COL21A1: variants seen among roughly 807,000 people sequenced by gnomAD.
The protein encoded by COL21A1 is collagen alpha-1(XXI) chain.
In COL21A1, 149 loss-of-function variants were observed where a neutral mutation model predicts 137.9. The observed-to-expected ratio is 1.08, with a 90% confidence interval of 0.95 to 1.24. COL21A1 has a LOEUF of 1.24. Ranked by LOEUF, COL21A1 falls within the 50% of genes most tolerant of loss-of-function variation. COL21A1 has a pLI of 0.00. For missense variants in COL21A1, 1,167 were observed against 1,158.4 expected, an observed-to-expected ratio of 1.01 and a Z score of -0.11; for synonymous variants, 456 against 391.5, an observed-to-expected ratio of 1.16 and a Z score of -1.95.
intron 1 of COL21A1, among the ~76,000 whole-genome samples, chr6:56,271,514 G>T (rs1426525620): frequency 6.6e-6 from 1 of 152,218 alleles, no homozygotes; most frequent in Non-Finnish European, 1.5e-5. Flanking sequence ...TGGAAAATTT[G>T]CAGCCCGACT....
chr6:56,206,697 A>AATAAATAAATAAAT (rs1344636182), intron 1 of COL21A1, among the ~76,000 whole-genome samples: 1 of 32,328 alleles, frequency 3.1e-5, no homozygotes. Flanking sequence ...TAAATAAATA[A>AATAAATAAATAAAT]ATATATATAT....
intron 10 of COL21A1, among the ~76,000 whole-genome samples, chr6:56,149,535 C>T (rs1343671987): frequency 1.3e-5 from 2 of 152,190 alleles, no homozygotes; most frequent in Non-Finnish European, 2.9e-5. Context: ...AAATGTCAGA[C>T]TTCTATATCC....
intron 17 of COL21A1, among the ~76,000 whole-genome samples, chr6:56,085,316 A>G (rs1768136631): frequency 6.6e-6 from 1 of 152,086 alleles, no homozygotes; most frequent in Non-Finnish European, 1.5e-5. Flanking sequence ...CATATAAGCA[A>G]GTTTAGTCCT....
chr6:56,165,518 T>C (rs1776505343), intron 7 of COL21A1, among the ~76,000 whole-genome samples: 1 of 152,230 alleles, frequency 6.6e-6, no homozygotes, highest in Admixed American at 6.5e-5. Context: ...ATAAATGAAG[T>C]ATGCACAATG....
At chr6:56,260,880 G>GTGTGTGTGTGTGTGTGTGTGTGTA (rs1763255917) in intron 1 of COL21A1, among the ~76,000 whole-genome samples, 1 of 150,570 alleles carries the variant, frequency 6.6e-6, no homozygotes, top group African/African-American at 2.4e-5. Context: ...GTGTGTGTAT[G>GTGTGTGTGTGTGTGTGTGTGTGTA]TGTGTGTGTG....
intron 6 of COL21A1, among the ~76,000 whole-genome samples, chr6:56,167,484 C>A (rs866926275): frequency 6.6e-6 from 1 of 152,146 alleles, no homozygotes; most frequent in African/African-American, 2.4e-5. Flanking sequence ...TTCATAGAGA[C>A]CACATGTGTA....
intron 3 of COL21A1, among the ~76,000 whole-genome samples, chr6:56,172,056 T>C (rs1777104610): frequency 7.8e-6 from 1 of 128,014 alleles, no homozygotes; most frequent in African/African-American, 3.3e-5. Flanking sequence ...ATATATGCAT[T>C]TTGCGAGTTC....
chr6:56,060,790 T>C lies in COL21A1; in HGVS notation c.2358A>G (p.Arg786=). 10 of 1,610,112 alleles carry C rather than the reference T, an allele frequency of 6.2e-6. No individual in the cohort carries two copies. The highest frequency in any genetic ancestry group is 8.5e-6 in the Non-Finnish European group (10 of 1,178,850). The change falls in exon 27 of 30, where the codon AGA becomes AGG. Residue 786 remains arginine (R), a synonymous_variant. Coordinates refer to ENST00000244728, the MANE Select transcript of COL21A1 (RefSeq NM_030820.4). ...GTCGAATAAATTGTTCTGAAAACTC[T>C]CTTCCCTGCATCAAAGTGTTAGGGG... The part of the protein sequence containing the change: ...GPPGLDGKPG[R]EFSEQFIRQV...
chr6:56,214,552 T>C (rs1361021391), intron 1 of COL21A1, among the ~76,000 whole-genome samples: 1 of 152,038 alleles, frequency 6.6e-6, no homozygotes, highest in Admixed American at 6.6e-5. Context: ...ACTTCCTCTA[T>C]TACAGACTAG....
At chr6:56,091,806 T>C (rs1355994266) in intron 17 of COL21A1, 1 of 152,210 alleles carries the variant, frequency 6.6e-6, no homozygotes, top group African/African-American at 2.4e-5. Flanking sequence ...CAAAGAAGAC[T>C]AACTCGTCAA....
intron 1 of COL21A1, among the ~76,000 whole-genome samples, chr6:56,317,378 C>A (rs1764762539): frequency 6.6e-6 from 1 of 152,150 alleles, no homozygotes; most frequent in Non-Finnish European, 1.5e-5. Flanking sequence ...TGGCTCTCTG[C>A]TGCAATCCCC....
chr6:56,219,498 C>T (rs1780697327), intron 1 of COL21A1, among the ~76,000 whole-genome samples: 1 of 152,032 alleles, frequency 6.6e-6, no homozygotes, highest in Admixed American at 6.6e-5. Flanking sequence ...GCTTCATTCG[C>T]CTTATTCACC....
At position 56,160,964 on chromosome 6, in the gene COL21A1, T is replaced by C. The variant is rs142055124; in HGVS notation, c.1371+3459A>G. Among the ~76,000 whole-genome samples the C allele has an allele frequency of 2.8e-3, 422 of 152,310 alleles. 5 individuals are homozygous for C. The highest frequency in any genetic ancestry group is 0.024 in the Middle Eastern group (7 of 294). The stretch of plus-strand genomic sequence containing the variant: ...ACAAGAGCATCTGACCTAAGACCTA[T>C]TCCATTCTCGAAAATCAACCTCTTT... On this transcript the variant is annotated intron_variant, in intron 9 of 29. Coordinates refer to ENST00000244728, the MANE Select transcript of COL21A1 (RefSeq NM_030820.4).
At chr6:56,297,034 C>A (rs1480045588) in intron 1 of COL21A1, among the ~76,000 whole-genome samples, 1 of 152,012 alleles carries the variant, frequency 6.6e-6, no homozygotes, top group Non-Finnish European at 1.5e-5. Flanking sequence ...GTCAGCAGAA[C>A]TTTTGTTGTA....
chr6:56,358,581 C>T (rs1316496672), intron 1 of COL21A1, among the ~76,000 whole-genome samples: 1 of 152,150 alleles, frequency 6.6e-6, no homozygotes, highest in Admixed American at 6.5e-5. Context: ...ACAACTCCAA[C>T]CCACTGGTAT....
intron 17 of COL21A1, among the ~76,000 whole-genome samples, chr6:56,097,262 A>G (rs1769411214): frequency 6.6e-6 from 1 of 152,080 alleles, no homozygotes; most frequent in South Asian, 2.1e-4. Flanking sequence ...GGAGTGGGAG[A>G]GTCTCACTCA....
At chr6:56,182,087 G>C (rs1303814032) in intron 2 of COL21A1, among the ~76,000 whole-genome samples, 2 of 151,964 alleles carry the variant, frequency 1.3e-5, no homozygotes, top group Non-Finnish European at 2.9e-5. Flanking sequence ...TGATAGTCTG[G>C]GTAACAGAAC....
intron 1 of COL21A1, among the ~76,000 whole-genome samples, chr6:56,195,455 G>T (rs965147520): frequency 6.6e-6 from 1 of 152,002 alleles, no homozygotes; most frequent in South Asian, 2.1e-4. Context: ...GGGAGGGAAA[G>T]AGGGGCAGAA....
intron 1 of COL21A1, among the ~76,000 whole-genome samples, chr6:56,385,370 T>C (rs568681522): frequency 6.6e-6 from 1 of 152,320 alleles, no homozygotes; most frequent in South Asian, 2.1e-4. Flanking sequence ...GCTGCATTCC[T>C]TTCTGGAAGC....
Sources: gnomAD v4.1 joint callset for allele counts (sites outside exome capture counted in the v4.1 genomes callset) on GRCh38, gnomAD v4.1.1 for gene constraint, MANE v1.5 for transcripts, NCBI Gene and HGNC (gene_info 2026-07-23, HGNC 2026-07-21) for gene names.